Variants in PRKD1 observed in about 807,000 individuals in gnomAD.
PRKD1 encodes serine/threonine-protein kinase D1.
Under a neutral mutation model 95.9 loss-of-function variants are expected in PRKD1, and 63 were observed. That is an observed-to-expected ratio of 0.66 (90% confidence interval 0.54 to 0.81). The LOEUF is 0.81. Among genes scored for constraint, PRKD1 ranks in the 30% least tolerant of loss-of-function variants. The pLI, the probability that PRKD1 is intolerant of heterozygous loss-of-function variation, is 0.00. For synonymous variants in PRKD1, 425 were observed against 423.1 expected, an observed-to-expected ratio of 1.00 and a Z score of -0.05; for missense variants, 1,048 against 1,165.3, an observed-to-expected ratio of 0.90 and a Z score of 1.47.
intron 4 of PRKD1, among the ~76,000 whole-genome samples, chr14:29,654,093 T>TTA (rs559957852): frequency 8.6e-5 from 13 of 151,646 alleles, no homozygotes; most frequent in African/African-American, 2.7e-4. Flanking sequence ...TTTTTTTTTT[T>TTA]AAAAAAGCAG....
At chr14:29,728,612 A>T (rs12880296) in intron 1 of PRKD1, among the ~76,000 whole-genome samples, 48,007 of 151,910 alleles carry the variant, frequency 0.32, 9,028 homozygotes, top group African/African-American at 0.52. Context: ...GGGTTCTTTC[A>T]CCTTTTATTA....
At chr14:29,914,940 G>A (rs535955127) in intron 1 of PRKD1, among the ~76,000 whole-genome samples, 60 of 152,068 alleles carry the variant, frequency 3.9e-4, no homozygotes, top group African/African-American at 1.4e-3. Context: ...TAGCCAGGAT[G>A]GTCTTGATCT....
intron 1 of PRKD1, among the ~76,000 whole-genome samples, chr14:29,750,232 A>G (rs1367721727): frequency 2.6e-5 from 4 of 152,190 alleles, no homozygotes; most frequent in Non-Finnish European, 5.9e-5. Flanking sequence ...CAGAGCTCCA[A>G]ATTATATACA....
chr14:29,882,515 GATA>G (rs1310425819), intron 1 of PRKD1, among the ~76,000 whole-genome samples: 1 of 152,158 alleles, frequency 6.6e-6, no homozygotes, highest in Admixed American at 6.5e-5. Flanking sequence ...GTTGTGGTGA[GATA>G]ATATGACATA....
chr14:29,592,506 A>T (rs1893167257), intron 16 of PRKD1, among the ~76,000 whole-genome samples: 1 of 152,194 alleles, frequency 6.6e-6, no homozygotes, highest in African/African-American at 2.4e-5. Flanking sequence ...ATTCAGTTAT[A>T]ATCTTTATAC....
intron 1 of PRKD1, among the ~76,000 whole-genome samples, chr14:29,858,582 G>A (rs1267577301): frequency 6.6e-6 from 1 of 152,016 alleles, no homozygotes; most frequent in East Asian, 1.9e-4. Context: ...AAACACTAGA[G>A]ATTACTTGTC....
chr14:29,688,184 C>CAT (rs890473195), intron 2 of PRKD1, among the ~76,000 whole-genome samples: 2 of 152,164 alleles, frequency 1.3e-5, no homozygotes, highest in African/African-American at 4.8e-5. Context: ...TCCCTTTCAC[C>CAT]CTATGGTCCC....
At position 29,725,078 on chromosome 14, in the gene PRKD1, C is replaced by T. The variant is rs9671319; in HGVS notation, c.403+458G>A. The stretch of plus-strand genomic sequence containing the variant: ...TCTAACTCCTGGGCTCTGGCTTCCT[C>T]CTTGGTCTTGGCTTACCTCATAGCT... On this transcript the variant is annotated intron_variant, in intron 2 of 17. Coordinates refer to ENST00000331968, the MANE Select transcript of PRKD1 (RefSeq NM_002742.3). Among the ~76,000 whole-genome samples the T allele has an allele frequency of 6.0e-3, 921 of 152,278 alleles. 4 individuals carry two copies. The highest frequency in any genetic ancestry group is 0.021 in the African/African-American group (889 of 41,552).
At chr14:29,913,315 TA>T (rs1317454354) in intron 1 of PRKD1, among the ~76,000 whole-genome samples, 1 of 152,198 alleles carries the variant, frequency 6.6e-6, no homozygotes, top group Admixed American at 6.5e-5. Context: ...CAAAAGGTAA[TA>T]AAATGTGTGC....
chr14:29,684,129 T>G (rs1883708202), intron 2 of PRKD1, among the ~76,000 whole-genome samples: 1 of 150,626 alleles, frequency 6.6e-6, no homozygotes, highest in Admixed American at 6.7e-5. Context: ...TTCCAGTATT[T>G]TTTCTTTAGA....
chr14:29,823,346 T>G (rs943264703), intron 1 of PRKD1, among the ~76,000 whole-genome samples: 1 of 152,192 alleles, frequency 6.6e-6, no homozygotes. Flanking sequence ...CCATCACAAG[T>G]GAATTCACAA....
chr14:29,763,834 C>A (rs1486439351), intron 1 of PRKD1, among the ~76,000 whole-genome samples: 1 of 152,172 alleles, frequency 6.6e-6, no homozygotes, highest in Non-Finnish European at 1.5e-5. Context: ...GAGTTCAGAA[C>A]TAGCCGCAGC....
chr14:29,616,524 G>A (rs1878876486), intron 13 of PRKD1, among the ~76,000 whole-genome samples: 1 of 151,830 alleles, frequency 6.6e-6, no homozygotes, highest in Non-Finnish European at 1.5e-5. Flanking sequence ...GCTCACTGCA[G>A]CCTTGAATTC....
At chr14:29,905,684 G>A (rs1004304137) in intron 1 of PRKD1, among the ~76,000 whole-genome samples, 3 of 152,250 alleles carry the variant, frequency 2.0e-5, no homozygotes, top group South Asian at 2.1e-4. Context: ...AATGATTGAC[G>A]TGCACCAAGG....
At chr14:29,599,321 A>G (rs1241658355) in intron 14 of PRKD1, among the ~76,000 whole-genome samples, 196 bp from the exon 15 acceptor site, 2 of 152,220 alleles carry the variant, frequency 1.3e-5, no homozygotes, top group African/African-American at 4.8e-5. Context: ...GTATTCATAC[A>G]GCGGCCAAGA....
At chr14:29,644,009 G>C (rs542832421) in intron 4 of PRKD1, among the ~76,000 whole-genome samples, 1 of 152,286 alleles carries the variant, frequency 6.6e-6, no homozygotes, top group East Asian at 1.9e-4. Flanking sequence ...TGAATCATTT[G>C]ATAATAAGCT....
intron 1 of PRKD1, among the ~76,000 whole-genome samples, chr14:29,917,715 C>T (rs1894939205): frequency 6.6e-6 from 1 of 152,016 alleles, no homozygotes; most frequent in Admixed American, 6.6e-5. Context: ...TTGTGAAAAA[C>T]TTTGTATACT....
intron 2 of PRKD1, among the ~76,000 whole-genome samples, chr14:29,705,238 C>T (rs1045582799): frequency 1.3e-5 from 2 of 152,060 alleles, no homozygotes; most frequent in Non-Finnish European, 2.9e-5. Flanking sequence ...ACATTTTTAT[C>T]CTTATATTCC....
chr14:29,836,658 T>C (rs573093315), intron 1 of PRKD1, among the ~76,000 whole-genome samples: 3 of 152,000 alleles, frequency 2.0e-5, no homozygotes, highest in African/African-American at 4.8e-5. Flanking sequence ...TGCCAACACC[T>C]CCTCCTCATG....
Sources: allele counts gnomAD v4.1 joint callset (sites outside exome capture counted in the v4.1 genomes callset), GRCh38; gene constraint gnomAD v4.1.1; transcripts MANE v1.5; gene names NCBI Gene and HGNC (gene_info 2026-07-23, HGNC 2026-07-21).